The following EGFLAM variants were observed in gnomAD, a reference collection of about 807,000 sequenced individuals.
EGFLAM encodes EGF like, fibronectin type III and laminin G domains, also known as pikachurin.
EGFLAM carries 79 observed loss-of-function variants against 113.1 expected under a neutral mutation model. The observed-to-expected ratio is 0.70, with a 90% CI of 0.58 to 0.84. The LOEUF (loss-of-function observed/expected upper bound fraction) is 0.84. Ranked by LOEUF, EGFLAM falls within the 40% of genes least tolerant of loss-of-function variation. The pLI is 0.00. For synonymous variants in EGFLAM, 504 were observed against 487.6 expected, an observed-to-expected ratio of 1.03 and a Z score of -0.44; for missense variants, 1,265 against 1,291.6, an observed-to-expected ratio of 0.98 and a Z score of 0.32.
intron 1 of EGFLAM, among the ~76,000 whole-genome samples, chr5:38,273,913 A>G (rs1017988323): frequency 1.3e-5 from 2 of 152,224 alleles, no homozygotes; most frequent in Non-Finnish European, 2.9e-5. Context: ...CTGACAAAAA[A>G]TTCAAAGTAG....
chr5:38,379,044 T>G lies in EGFLAM; in HGVS notation c.712+8582T>G, dbSNP rs372397288. Among the ~76,000 whole-genome samples the G allele has an allele frequency of 2.0e-5, 3 of 152,144 alleles. No individual in the cohort carries two copies. The South Asian group carries it at 6.2e-4, about 32-fold the overall frequency. ...AGACTCCAGGCTCTGAGCTCTGTTC[T>G]GGGAATGGGAAGACATCAGAATGCC... On this transcript the variant is annotated intron_variant, in intron 6 of 21. Transcript: ENST00000322350.
At chr5:38,288,804 A>G (rs577453013) in intron 1 of EGFLAM, among the ~76,000 whole-genome samples, 2 of 152,336 alleles carry the variant, frequency 1.3e-5, no homozygotes, top group Admixed American at 1.3e-4. Flanking sequence ...CAAATTGTTG[A>G]GCAACTGCTT....
rs551145226 is a variant in EGFLAM, at chr5:38,286,591, G to A, written c.97+27740G>A. ...ATGGTGGACTTCCTGCCAGGAATGA[G>A]GTTTTGTCAGGGCATGGAAAGCCCT... On this transcript the variant is annotated intron_variant, in intron 1 of 21. Transcript: ENST00000322350. 7.2e-5 allele frequency among the ~76,000 whole-genome samples: 11 copies of A among 152,286 alleles called. No individual in the cohort carries two copies. In the East Asian group the frequency reaches 1.7e-3, roughly 24 times the overall value.
rs1165924863 is a variant in EGFLAM, at chr5:38,418,094, C to T, written c.1523C>T (p.Thr508Ile). Reference sequence around the variant, plus strand: ...CAATACAGTAAAATTACTTTCCGGACACCTCTCTATCTTGGTGGCGCTCCC... The same window carrying T: ...CAATACAGTAAAATTACTTTCCGGATACCTCTCTATCTTGGTGGCGCTCCC... ...QGQYSKITFR[T>I]PLYLGGAPSA... The change falls in exon 12 of 22, where the codon ACA becomes ATA. Residue 508 changes from threonine (T) to isoleucine (I), a missense_variant. By Grantham distance (89) the Thr-to-Ile change is moderately conservative. Transcript: ENST00000322350. 2 of 1,613,808 alleles carry T rather than the reference C, an allele frequency of 1.2e-6. No homozygotes were observed. The highest frequency in any genetic ancestry group is 2.7e-5 in the African/African-American group (2 of 74,918).
intron 6 of EGFLAM, among the ~76,000 whole-genome samples, chr5:38,402,341 T>C (rs1741142543): frequency 6.6e-6 from 1 of 152,230 alleles, no homozygotes; most frequent in Non-Finnish European, 1.5e-5. Context: ...CTGTCTGCCT[T>C]GAGCAAGTTA....
At chr5:38,403,774 T>G in intron 6 of EGFLAM, 1 of 1,598,934 alleles carries the variant, frequency 6.3e-7, no homozygotes, top group Non-Finnish European at 8.6e-7. Flanking sequence ...TAAGGGGGAC[T>G]GCTTGCTGTA....
intron 1 of EGFLAM, among the ~76,000 whole-genome samples, chr5:38,263,737 T>C (rs948905968): frequency 1.4e-4 from 22 of 152,252 alleles, no homozygotes; most frequent in African/African-American, 5.3e-4. Flanking sequence ...CTATGTTTTA[T>C]TGCAGAAGTT....
intron 10 of EGFLAM, among the ~76,000 whole-genome samples, chr5:38,412,043 G>A (rs936267965): frequency 2.0e-5 from 3 of 151,914 alleles, no homozygotes; most frequent in Non-Finnish European, 2.9e-5. Context: ...CAGGTGATCC[G>A]CCCGCCTTCG....
At chr5:38,437,754 C>T (rs990867332) in intron 16 of EGFLAM, among the ~76,000 whole-genome samples, 1 of 152,108 alleles carries the variant, frequency 6.6e-6, no homozygotes, top group African/African-American at 2.4e-5. Flanking sequence ...ACCAGAGGAG[C>T]GCGTCACTCC....
intron 18 of EGFLAM, among the ~76,000 whole-genome samples, chr5:38,448,616 G>A (rs1035067443): frequency 6.6e-6 from 1 of 152,166 alleles, no homozygotes; most frequent in Admixed American, 6.5e-5. Flanking sequence ...TGTTACAAAA[G>A]ATCCAGTATC....
chr5:38,357,978 T>C (rs1322898968), intron 5 of EGFLAM, among the ~76,000 whole-genome samples: 2 of 150,740 alleles, frequency 1.3e-5, no homozygotes, highest in Non-Finnish European at 3.0e-5. Context: ...TTTTTTTTTT[T>C]TTTTTTTTTT....
At chr5:38,379,698 G>C (rs1740460083) in intron 6 of EGFLAM, among the ~76,000 whole-genome samples, 1 of 152,028 alleles carries the variant, frequency 6.6e-6, no homozygotes, top group Non-Finnish European at 1.5e-5. Context: ...AACTCCTTCA[G>C]TTGGCTGCTT....
Position 38,395,239 on chromosome 5 carries a change from CTTTTTTTTTTT to C in EGFLAM, c.713-10876_713-10866del, listed in dbSNP as rs1221649921. Among the ~76,000 whole-genome samples the C allele has an allele frequency of 4.4e-5, 5 of 114,666 alleles. No individual in the cohort carries two copies. In the South Asian group the frequency reaches 1.4e-3, roughly 31 times the overall value. 75.2% of individuals were successfully genotyped at this position (114,666 alleles called of 152,430 possible). ...ATAGGTGTGAGCCACCATGCCTAGC[CTTTTTTTTTTT>C]TTTTTTTTTTAGAGACTGGGTCTCG... is the stretch of plus-strand genomic sequence containing the variant. On this transcript the variant is annotated intron_variant, in intron 6 of 21. Coordinates refer to ENST00000322350, the MANE Select transcript of EGFLAM (RefSeq NM_152403.4).
rs181082141 is a variant in EGFLAM, at chr5:38,385,904, C to T, written c.712+15442C>T. ...AGAGTTGTACTTAGACAAACCTAGA[C>T]GGTATAGCCTACAGCACGCCTAGGA... is the stretch of plus-strand genomic sequence containing the variant. On this transcript the variant is annotated intron_variant, in intron 6 of 21. Coordinates refer to ENST00000322350, the MANE Select transcript of EGFLAM (RefSeq NM_152403.4). 2.1e-3 allele frequency among the ~76,000 whole-genome samples: 324 copies of T among 152,288 alleles called. 1 individual carries two copies. Among genetic ancestry groups the T allele is most frequent in the African/African-American group, 7.2e-3 (301 of 41,570 alleles).
Position 38,451,326 on chromosome 5 carries a change from C to G in EGFLAM, c.2555C>G (p.Ser852Ter). 1 of 1,613,456 alleles carries G rather than the reference C, an allele frequency of 6.2e-7. No individual in the cohort carries two copies. ...TGTATTTCCTCCAGGGTGTCAGGAT[C>G]AAGATCAAATGTGTTCATGAGGTTT... ...NPDILKRVSG[S>*]RSNVFMRFKT... Residue 852 changes from serine to a stop codon, truncating the protein, a stop_gained, in exon 19 of 22, where the codon TCA (serine) becomes TGA (stop). Transcript: ENST00000322350. LOFTEE classifies it high-confidence loss of function.
chr5:38,433,337 G>T (rs1363240081), intron 15 of EGFLAM, among the ~76,000 whole-genome samples: 1 of 152,226 alleles, frequency 6.6e-6, no homozygotes, highest in East Asian at 1.9e-4. Context: ...TGCAAGACAC[G>T]TGGAAGAGCA....
chr5:38,343,507 A>G (rs1739398440), intron 3 of EGFLAM, among the ~76,000 whole-genome samples: 1 of 152,058 alleles, frequency 6.6e-6, no homozygotes, highest in Non-Finnish European at 1.5e-5. Flanking sequence ...AGCATCAGGT[A>G]TGCTAACTTT....
chr5:38,357,448 G>T (rs1269643310), intron 5 of EGFLAM, among the ~76,000 whole-genome samples: 1 of 152,056 alleles, frequency 6.6e-6, no homozygotes, highest in Non-Finnish European at 1.5e-5. Flanking sequence ...GACTAAGACA[G>T]TAAGAAAGGA....
chr5:38,421,208 C>G (rs1207169278), intron 12 of EGFLAM, among the ~76,000 whole-genome samples: 1 of 152,212 alleles, frequency 6.6e-6, no homozygotes, highest in Non-Finnish European at 1.5e-5. Context: ...TTACTCAGTT[C>G]CTTCCACTTC....
Sources: allele counts gnomAD v4.1 joint callset (sites outside exome capture counted in the v4.1 genomes callset), GRCh38; gene constraint gnomAD v4.1.1; transcripts MANE v1.5; gene names NCBI Gene and HGNC (gene_info 2026-07-23, HGNC 2026-07-21).